Variants in GPR179 observed in about 807,000 individuals in gnomAD.
GPR179 encodes G protein-coupled receptor 179.
GPR179 carries 52 observed loss-of-function variants against 70.8 expected under a neutral mutation model. The ratio of observed to expected loss-of-function variants is 0.73; its 90% CI spans 0.59 to 0.93. The LOEUF is 0.93. Among genes scored for constraint, GPR179 ranks in the 40% least tolerant of loss-of-function variants. The pLI, the probability that GPR179 is intolerant of heterozygous loss-of-function variation, is 0.00. For missense variants in GPR179, 2,734 were observed against 2,966.8 expected (o/e 0.92, Z 1.82); for synonymous variants, 1,123 against 1,169.0 (o/e 0.96, Z 0.80).
Position 38,343,591 on chromosome 17 carries a change from C to T in GPR179, c.199G>A (p.Asp67Asn), listed in dbSNP as rs1321774724. The T allele has an allele frequency of 6.2e-7, 1 of 1,613,818 alleles. No homozygotes were observed. The highest frequency in any genetic ancestry group is 8.5e-7 in the Non-Finnish European group (1 of 1,180,018). The change falls in exon 1 of 11, where the codon GAT becomes AAT. Residue 67 changes from aspartate (D) to asparagine (N), a missense_variant. Coordinates refer to ENST00000616987, the MANE Select transcript of GPR179 (RefSeq NM_001004334.4). The surrounding 1 kb of genome is among the most constrained non-coding windows in gnomAD (Gnocchi z 4.2). ...EAALAYLYSG[D>N]AQQLSQVNCS... ...TTCACCTGTGATAGCTGCTGGGCAT[C>T]TCCAGAGTAGAGATAAGCGAGGGCG...
intron 2 of GPR179, among the ~76,000 whole-genome samples, chr17:38,338,533 C>T (rs2037425046): frequency 6.6e-6 from 1 of 152,232 alleles, no homozygotes. Context: ...ACACAGTCTG[C>T]ACAATTAGAC....
Position 38,328,108 on chromosome 17 carries a change from C to T in GPR179, c.5461G>A (p.Glu1821Lys), listed in dbSNP as rs928555547. The change falls in exon 11 of 11, where the codon GAG (glutamate) becomes AAG (lysine). Residue 1821 changes from glutamate to lysine, a missense_variant. By Grantham distance (56) the Glu-to-Lys change is moderately conservative (BLOSUM62 1). Transcript: ENST00000616987. ...TTCCCAGTAGTTCCTTCACTTACCT[C>T]CCAGGGACAGATCTTGGCTTTTTCA... ...TSEKAKICPW[E>K]VSEGTTGKGL... 1 of 1,614,096 alleles carries T rather than the reference C, an allele frequency of 6.2e-7. No homozygotes were observed. Among genetic ancestry groups the T allele is most frequent in the Non-Finnish European group, 8.5e-7 (1 of 1,180,024 alleles).
Position 38,334,119 on chromosome 17 carries a change from T to C in GPR179, c.1785-81A>G. The stretch of plus-strand genomic sequence containing the variant: ...TTTGCCTTCTCACTGGCGTTTCACC[T>C]CAGCCCCAACCCTGATACGCTTAGG... On this transcript the variant is annotated intron_variant, in intron 8 of 10. Transcript: ENST00000616987. The surrounding 1 kb of genome is among the most constrained non-coding windows in gnomAD (Gnocchi z 4.7). The C allele has an allele frequency of 1.0e-6, 1 of 994,148 alleles. No homozygotes were observed. Among genetic ancestry groups the C allele is most frequent in the Non-Finnish European group, 1.6e-6 (1 of 619,714 alleles). 61.6% of individuals were successfully genotyped at this position (994,148 alleles called of 1,614,324 possible). A position where few individuals can be genotyped will look rare whatever the true frequency, so the allele number is the denominator to read the frequency against.
chr17:38,333,175 G>GT (rs1205336285), intron 10 of GPR179, 76 bp downstream of exon 10: 1 of 1,379,440 alleles, frequency 7.2e-7, no homozygotes, highest in Non-Finnish European at 1.0e-6. Context: ...CATAGCCCAG[G>GT]TGGCAGGGCC....
chr17:38,339,578 G>T lies in GPR179; in HGVS notation c.795-53C>A, dbSNP rs116838562. 7,110 of 1,285,168 alleles carry T rather than the reference G, an allele frequency of 5.5e-3. 22 individuals are homozygous for T. Among genetic ancestry groups the T allele is most frequent in the Non-Finnish European group, 6.6e-3 (5,839 of 881,440 alleles). 79.6% of individuals were successfully genotyped at this position (1,285,168 alleles called of 1,614,324 possible). A position where few individuals can be genotyped will look rare whatever the true frequency, so the allele number is the denominator to read the frequency against. On this transcript the variant is annotated intron_variant, in intron 1 of 10. Transcript: ENST00000616987. Reference sequence around the variant, plus strand: ...CACAGTGATTGATGCCAAAGTGGACGTGTGTCCCTGGGCGTTGTTGGGGCC... The same window carrying T: ...CACAGTGATTGATGCCAAAGTGGACTTGTGTCCCTGGGCGTTGTTGGGGCC...
chr17:38,331,109 G>A lies in GPR179; in HGVS notation c.2460C>T (p.Ala820=). The change falls in exon 11 of 11, where the codon GCC becomes GCT. Residue 820 remains alanine, a synonymous_variant. Coordinates refer to ENST00000616987, the MANE Select transcript of GPR179 (RefSeq NM_001004334.4). ...GCCTCTCTCCCACCGTCAGGTTGTG[G>A]GCGCTGGCTGACCTGAAGCCCAGGG... ...PPALGFRSAS[A]HNLTVGERLP... 1 of 1,602,262 alleles carries A rather than the reference G, an allele frequency of 6.2e-7. No homozygotes were observed. Among genetic ancestry groups the A allele is most frequent in the African/African-American group, 1.3e-5 (1 of 74,950 alleles).
chr17:38,331,367 G>C lies in GPR179; in HGVS notation c.2202C>G (p.His734Gln). 2 of 1,613,498 alleles carry C rather than the reference G, an allele frequency of 1.2e-6. No individual in the cohort carries two copies. Among genetic ancestry groups the C allele is most frequent in the Non-Finnish European group, 1.7e-6 (2 of 1,179,800 alleles). The change falls in exon 11 of 11, where the codon CAC becomes CAG. Residue 734 changes from histidine (H) to glutamine (Q), a missense_variant. Physicochemically the swap from His to Gln is conservative, Grantham distance 24 (BLOSUM62 0). Coordinates refer to ENST00000616987, the MANE Select transcript of GPR179 (RefSeq NM_001004334.4). Reference sequence around the variant, plus strand: ...GGCCTGGGGATCCTGAGTCCCGGGAGTGCTGCCTGGCCAGGGCCTCGGGGA... The same window carrying C: ...GGCCTGGGGATCCTGAGTCCCGGGACTGCTGCCTGGCCAGGGCCTCGGGGA... Reference protein sequence around the residue: ...AEFPEALARQHSRDSGSPGHG... With the variant: ...AEFPEALARQQSRDSGSPGHG...
chr17:38,339,613 A>T (rs2037433660), intron 1 of GPR179, 88 bp from the exon 2 acceptor site: 1 of 895,682 alleles, frequency 1.1e-6, no homozygotes, highest in African/African-American at 1.6e-5. Context: ...CCAGAAAATG[A>T]TGCTCGGAAT....
rs1310877236 is a variant in GPR179, at chr17:38,329,790, T to C, written c.3779A>G (p.Asn1260Ser). The C allele has an allele frequency of 1.2e-6, 2 of 1,614,044 alleles. No homozygotes were observed. Among genetic ancestry groups the C allele is most frequent in the Non-Finnish European group, 1.7e-6 (2 of 1,180,032 alleles). The change falls in exon 11 of 11, where the codon AAC becomes AGC. Residue 1260 changes from asparagine (N) to serine (S), a missense_variant. Asn to Ser is a conservative substitution (Grantham distance 46). Transcript: ENST00000616987. ...ESETRQPDSGNKAEICPWETS... is the reference protein window; with the variant it reads ...ESETRQPDSGSKAEICPWETS... ...CTCCCAGGGGCAGATTTCGGCCTTG[T>C]TGCCACTGTCTGGCTGACGCGTTTC...
rs73984500 is a variant in GPR179, at chr17:38,324,791, A to G, written c.*1674T>C. 0.011 allele frequency among the ~76,000 whole-genome samples: 1,635 copies of G among 152,324 alleles called. 35 individuals carry two copies. Among genetic ancestry groups the G allele is most frequent in the African/African-American group, 0.037 (1,546 of 41,580 alleles). On this transcript the variant is annotated 3_prime_UTR_variant, in exon 11 of 11. Transcript: ENST00000616987. Reference sequence around the variant, plus strand: ...TCAATTACTGCTCCAAAAGCCCAGAATAAGGGCCCTAGGTAAGAGAATGAG... The same window carrying G: ...TCAATTACTGCTCCAAAAGCCCAGAGTAAGGGCCCTAGGTAAGAGAATGAG...
At chr17:38,340,940 A>C (rs2037444488) in intron 1 of GPR179, among the ~76,000 whole-genome samples, 1 of 152,140 alleles carries the variant, frequency 6.6e-6, no homozygotes, top group South Asian at 2.1e-4. Context: ...CAAACAAACA[A>C]ACAAACAAAA....
rs2037285580 is a variant in GPR179, at chr17:38,326,402, G to T, written c.*63C>A. 5.5e-6 allele frequency: 7 copies of T among 1,275,728 alleles called. No homozygotes were observed. In the South Asian group the frequency reaches 5.7e-5, roughly 10 times the overall value. The allele number at this position is 1,275,728 out of a possible 1,614,324, so 79.0% of individuals were successfully genotyped here. A position where few individuals can be genotyped will look rare whatever the true frequency, so the allele number is the denominator to read the frequency against. ...TGATTCAGCTCTTTGGGAACACCTG[G>T]ACTTGGAAAGGGCCTTGGCTCCTGA... On this transcript the variant is annotated 3_prime_UTR_variant, in exon 11 of 11. Coordinates refer to ENST00000616987, the MANE Select transcript of GPR179 (RefSeq NM_001004334.4).
chr17:38,340,679 A>G (rs1320199239), intron 1 of GPR179, among the ~76,000 whole-genome samples: 1 of 152,180 alleles, frequency 6.6e-6, no homozygotes, highest in Non-Finnish European at 1.5e-5. Context: ...GCACTTTGGG[A>G]GGCCGAGGCA....
intron 3 of GPR179, 106 bp downstream of exon 3, chr17:38,337,527 G>A (rs2037415737): frequency 2.0e-6 from 2 of 1,003,580 alleles, no homozygotes; most frequent in African/African-American, 1.6e-5. Flanking sequence ...TGCCCCACAA[G>A]TTCCCTCCCA....
chr17:38,338,946 C>T (rs1335997544), intron 2 of GPR179, among the ~76,000 whole-genome samples: 2 of 152,206 alleles, frequency 1.3e-5, no homozygotes, highest in African/African-American at 4.8e-5. Flanking sequence ...GGTTAGATTC[C>T]TCCCATACTC....
chr17:38,335,801 G>T, intron 5 of GPR179, 101 bp from the exon 6 acceptor site: 1 of 772,270 alleles, frequency 1.3e-6, no homozygotes, highest in Non-Finnish European at 2.3e-6. Context: ...CCCTGCAATA[G>T]AGCCATCACC....
At chr17:38,332,913 G>A (rs1250878189) in intron 10 of GPR179, among the ~76,000 whole-genome samples, 1 of 152,242 alleles carries the variant, frequency 6.6e-6, no homozygotes, top group Non-Finnish European at 1.5e-5. Context: ...AGCCAGCTGA[G>A]GGGTTTCTTA....
Position 38,326,628 on chromosome 17 carries a change from C to G in GPR179, c.6941G>C (p.Gly2314Ala), listed in dbSNP as rs762636527. ...FTLEGVRELQ[G>A]PSGLEPRTSL... ...GGTCCTTGGCTCAAGCCCTGAAGGT[C>G]CTTGTAGTTCTCTGACACCTTCTAG... The change falls in exon 11 of 11, where the codon GGA (glycine) becomes GCA (alanine). Residue 2314 changes from glycine (G) to alanine (A), a missense_variant. Coordinates refer to ENST00000616987, the MANE Select transcript of GPR179 (RefSeq NM_001004334.4). 3.1e-6 allele frequency: 5 copies of G among 1,614,192 alleles called. No homozygotes were observed. The highest frequency in any genetic ancestry group is 4.2e-6 in the Non-Finnish European group (5 of 1,180,038).
chr17:38,327,227 C>T lies in GPR179; in HGVS notation c.6342G>A (p.Val2114=), dbSNP rs752670976. The change falls in exon 11 of 11, where the codon GTG becomes GTA. Residue 2114 remains valine, a synonymous_variant. Transcript: ENST00000616987. ...AGSVETRVAE[V]CLWEVVEAPS... is the part of the protein sequence containing the mutation. ...GAGCCTCTACCACTTCCCACAGACA[C>T]ACTTCCGCTACCCTGGTCTCCACAC... 2 of 1,614,242 alleles carry T rather than the reference C, an allele frequency of 1.2e-6. No homozygotes were observed. The highest frequency in any genetic ancestry group is 1.7e-6 in the Non-Finnish European group (2 of 1,180,040).
Sources: gnomAD v4.1 joint callset for allele counts (sites outside exome capture counted in the v4.1 genomes callset) on GRCh38, gnomAD v4.1.1 for gene constraint, Gnocchi (gnomAD v3.1) non-coding constraint, MANE v1.5 for transcripts, NCBI Gene and HGNC (gene_info 2026-07-23, HGNC 2026-07-21) for gene names.